Variants in CCDC178 observed in about 807,000 individuals in gnomAD.
The protein encoded by CCDC178 is coiled-coil domain-containing protein 178.
Under a neutral mutation model 117.4 loss-of-function variants are expected in CCDC178, and 126 were observed. That is an observed-to-expected ratio of 1.07 (90% CI 0.93 to 1.24). CCDC178 has a LOEUF of 1.24. Ranked by LOEUF, CCDC178 falls within the 50% of genes most tolerant of loss-of-function variation. The pLI, the probability that CCDC178 is intolerant of heterozygous loss-of-function variation, is 0.00. For synonymous variants in CCDC178, 283 were observed against 313.4 expected (o/e 0.90, Z 1.02); for missense variants, 1,030 against 986.9 (o/e 1.04, Z -0.59).
chr18:32,946,746 T>C (rs1179372927), intron 22 of CCDC178, among the ~76,000 whole-genome samples: 1 of 150,988 alleles, frequency 6.6e-6, no homozygotes, highest in Non-Finnish European at 1.5e-5. Context: ...TTGCTGTTTT[T>C]GTTGTTTTTT....
At chr18:33,258,415 C>A (rs905773735) in intron 14 of CCDC178, among the ~76,000 whole-genome samples, 1 of 152,152 alleles carries the variant, frequency 6.6e-6, no homozygotes, top group Non-Finnish European at 1.5e-5. Context: ...GACATGTCTT[C>A]ATTCCGGTCT....
At chr18:33,239,440 T>C (rs892512130) in intron 15 of CCDC178, among the ~76,000 whole-genome samples, 1 of 151,072 alleles carries the variant, frequency 6.6e-6, no homozygotes, top group African/African-American at 2.4e-5. Context: ...CCCAACTATA[T>C]GCTGCCTACA....
At chr18:33,228,188 C>G (rs2059330538) in intron 15 of CCDC178, among the ~76,000 whole-genome samples, 1 of 152,148 alleles carries the variant, frequency 6.6e-6, no homozygotes, top group Non-Finnish European at 1.5e-5. Flanking sequence ...TATGCAGAAC[C>G]TTCCAGGTAC....
At chr18:33,056,205 T>C (rs752823170) in intron 21 of CCDC178, among the ~76,000 whole-genome samples, 19 of 152,192 alleles carry the variant, frequency 1.2e-4, no homozygotes, top group Non-Finnish European at 2.2e-4. Flanking sequence ...TCTACCATCA[T>C]CTGGCTTCTG....
intron 21 of CCDC178, among the ~76,000 whole-genome samples, chr18:32,983,574 A>G (rs994360045): frequency 6.6e-6 from 1 of 152,080 alleles, no homozygotes; most frequent in African/African-American, 2.4e-5. Context: ...AAAATACGAT[A>G]AAGGCCATCT....
intron 20 of CCDC178, among the ~76,000 whole-genome samples, chr18:33,136,328 A>G (rs971193191): frequency 1.3e-5 from 2 of 152,176 alleles, no homozygotes; most frequent in Non-Finnish European, 2.9e-5. Context: ...GACTGCCTTG[A>G]TAAGTATGGA....
intron 21 of CCDC178, among the ~76,000 whole-genome samples, chr18:33,065,097 G>A (rs2056989067): frequency 6.6e-6 from 1 of 151,990 alleles, no homozygotes; most frequent in Admixed American, 6.6e-5. Flanking sequence ...GGACTGAGGA[G>A]GGGAGGGAAA....
At chr18:33,381,163 G>A (rs1054608134) in intron 5 of CCDC178, among the ~76,000 whole-genome samples, 7 of 151,998 alleles carry the variant, frequency 4.6e-5, no homozygotes, top group Non-Finnish European at 7.4e-5. Flanking sequence ...AATCTCTTTC[G>A]TATTCATTGA....
intron 22 of CCDC178, among the ~76,000 whole-genome samples, chr18:32,944,713 T>G (rs2054307926): frequency 6.6e-6 from 1 of 152,314 alleles, no homozygotes; most frequent in East Asian, 1.9e-4. Context: ...AAACCTCACC[T>G]TGAATTGTAG....
intron 20 of CCDC178, among the ~76,000 whole-genome samples, chr18:33,187,816 A>T (rs1049537559): frequency 1.3e-5 from 2 of 152,104 alleles, no homozygotes; most frequent in African/African-American, 4.8e-5. Context: ...GGCCAATGTA[A>T]AATGAAGTTG....
chr18:33,072,539 A>G (rs2057127351), intron 21 of CCDC178, among the ~76,000 whole-genome samples: 1 of 152,224 alleles, frequency 6.6e-6, no homozygotes, highest in Non-Finnish European at 1.5e-5. Context: ...TGACTTTGCC[A>G]AGGTCTTATC....
At chr18:33,008,920 A>T (rs973048874) in intron 21 of CCDC178, among the ~76,000 whole-genome samples, 4 of 152,052 alleles carry the variant, frequency 2.6e-5, no homozygotes, top group Admixed American at 6.6e-5. Flanking sequence ...AATGTCTTAA[A>T]TCCATCTCAG....
intron 20 of CCDC178, among the ~76,000 whole-genome samples, chr18:33,103,690 A>G (rs920573604): frequency 3.3e-5 from 5 of 151,666 alleles, no homozygotes; most frequent in African/African-American, 1.2e-4. Context: ...ATCTTGCCCA[A>G]ATGTGTCTAC....
intron 22 of CCDC178, among the ~76,000 whole-genome samples, chr18:32,969,297 C>A (rs2144680974): frequency 6.6e-6 from 1 of 152,148 alleles, no homozygotes; most frequent in African/African-American, 2.4e-5. Context: ...GAGCACATCC[C>A]TGAGGAGGTG....
intron 21 of CCDC178, among the ~76,000 whole-genome samples, chr18:33,006,491 T>G (rs1156646639): frequency 6.6e-6 from 1 of 152,136 alleles, no homozygotes; most frequent in Non-Finnish European, 1.5e-5. Context: ...CAAGTGCTTT[T>G]TATAAATCAA....
chr18:33,230,871 T>C (rs369703571), intron 15 of CCDC178, among the ~76,000 whole-genome samples: 4 of 152,314 alleles, frequency 2.6e-5, no homozygotes, highest in African/African-American at 9.6e-5. Flanking sequence ...TCCAGAAACG[T>C]GGCCTGTGGC....
intron 18 of CCDC178, among the ~76,000 whole-genome samples, chr18:33,216,012 C>T (rs2059161549): frequency 6.6e-6 from 1 of 151,882 alleles, no homozygotes; most frequent in Admixed American, 6.6e-5. Flanking sequence ...GTGGGAGGAT[C>T]ACTTTAGTAT....
At chr18:33,208,762 T>C (rs2059075038) in intron 20 of CCDC178, among the ~76,000 whole-genome samples, 1 of 152,054 alleles carries the variant, frequency 6.6e-6, no homozygotes, top group South Asian at 2.1e-4. Context: ...CATGAAAGTG[T>C]CAAAAATAAT....
chr18:33,039,928 T>C (rs1011943314), intron 21 of CCDC178, among the ~76,000 whole-genome samples: 1 of 151,904 alleles, frequency 6.6e-6, no homozygotes, highest in African/African-American at 2.4e-5. Flanking sequence ...CTACAATTGC[T>C]GACTTAATAA....
Sources: gnomAD v4.1 joint callset for allele counts (sites outside exome capture counted in the v4.1 genomes callset) on GRCh38, gnomAD v4.1.1 for gene constraint, MANE v1.5 for transcripts, NCBI Gene and HGNC (gene_info 2026-07-23, HGNC 2026-07-21) for gene names.